The following ASIC2 variants were observed in gnomAD, a reference collection of about 807,000 sequenced individuals.
The protein encoded by ASIC2 is acid-sensing ion channel 2.
In ASIC2, 25 loss-of-function variants were observed where a neutral mutation model predicts 57.3. The observed-to-expected ratio is 0.44, with a 90% CI of 0.32 to 0.61. The LOEUF (loss-of-function observed/expected upper bound fraction) is 0.61, where lower values mean the gene tolerates loss of function less well. Among genes scored for constraint, ASIC2 ranks in the 20% least tolerant of loss-of-function variants. The pLI, the probability that ASIC2 is intolerant of heterozygous loss-of-function variation, is 0.06. For missense variants in ASIC2, 641 were observed against 738.1 expected (o/e 0.87, Z 1.52); for synonymous variants, 319 against 307.5 (o/e 1.04, Z -0.39).
chr17:33,791,020 C>T (rs1232818590), intron 1 of ASIC2, among the ~76,000 whole-genome samples: 1 of 152,180 alleles, frequency 6.6e-6, no homozygotes, highest in African/African-American at 2.4e-5. Flanking sequence ...CCCATGTCTC[C>T]CTGGCCTGTG....
intron 1 of ASIC2, among the ~76,000 whole-genome samples, chr17:33,668,194 G>C (rs1907538147): frequency 6.7e-6 from 1 of 150,140 alleles, no homozygotes; most frequent in African/African-American, 2.4e-5. Context: ...TGGAGAGAAG[G>C]CATCTTTAGA....
chr17:33,510,118 A>G lies in ASIC2; in HGVS notation c.556-398051T>C, dbSNP rs373738202. ...GACTTTGCCTGTAACTCACTGTGTG[A>G]CCTGGAGTTTTCCAGCCCTGTCTCA... On this transcript the variant is annotated intron_variant, in intron 1 of 9. Transcript: ENST00000359872. Among the ~76,000 whole-genome samples, 9 of 152,270 alleles carry G rather than the reference A, an allele frequency of 5.9e-5. No homozygotes were observed. In the South Asian group the frequency reaches 1.9e-3, roughly 32 times the overall value.
At chr17:34,044,182 C>G (rs1908249138) in intron 1 of ASIC2, among the ~76,000 whole-genome samples, 1 of 151,840 alleles carries the variant, frequency 6.6e-6, no homozygotes, top group Admixed American at 6.6e-5. Context: ...AGCAGCCAAT[C>G]CCTTTGGAAG....
intron 1 of ASIC2, among the ~76,000 whole-genome samples, chr17:33,531,021 A>C (rs1026421672): frequency 1.3e-5 from 2 of 152,006 alleles, no homozygotes; most frequent in Non-Finnish European, 2.9e-5. Flanking sequence ...ATTTAACTTA[A>C]AAATTTTTAT....
At chr17:33,910,734 A>C (rs1915445062) in intron 1 of ASIC2, among the ~76,000 whole-genome samples, 1 of 152,200 alleles carries the variant, frequency 6.6e-6, no homozygotes, top group Admixed American at 6.5e-5. Flanking sequence ...CCTATCATGG[A>C]CTGCCTCTCT....
intron 3 of ASIC2, among the ~76,000 whole-genome samples, chr17:33,038,731 C>T (rs1471122442): frequency 6.6e-6 from 1 of 152,358 alleles, no homozygotes; most frequent in Admixed American, 6.5e-5. Flanking sequence ...TCTCAACAGT[C>T]GCCTTCATTT....
At chr17:33,436,554 C>G (rs370920974) in intron 1 of ASIC2, among the ~76,000 whole-genome samples, 1 of 152,130 alleles carries the variant, frequency 6.6e-6, no homozygotes, top group Non-Finnish European at 1.5e-5. Context: ...GTTTTCCACA[C>G]CCCAATGATT....
chr17:33,742,715 C>A (rs997558650), intron 1 of ASIC2, among the ~76,000 whole-genome samples: 5 of 152,174 alleles, frequency 3.3e-5, no homozygotes, highest in Admixed American at 6.5e-5. Flanking sequence ...TCTCCCCAGG[C>A]ATAATGGGTT....
At chr17:33,601,514 G>A (rs1905114431) in intron 1 of ASIC2, among the ~76,000 whole-genome samples, 3 of 152,208 alleles carry the variant, frequency 2.0e-5, no homozygotes, top group Admixed American at 6.5e-5. Flanking sequence ...TTTACAGGGT[G>A]CTATTTCTGC....
chr17:33,877,974 C>T lies in ASIC2; in HGVS notation c.555+278004G>A, dbSNP rs150530490. ...ACAATATCCGCTGTTCTGCAGCCTCCGCTGCTGATACCCAGGCAAACAGGG... is the reference window on the plus strand; with the variant it reads ...ACAATATCCGCTGTTCTGCAGCCTCTGCTGCTGATACCCAGGCAAACAGGG... On this transcript the variant is annotated intron_variant, in intron 1 of 9. Coordinates refer to the ASIC2 transcript ENST00000359872. Among the ~76,000 whole-genome samples, 429 of 152,306 alleles carry T rather than the reference C, an allele frequency of 2.8e-3. 2 individuals are homozygous for T. The highest frequency in any genetic ancestry group is 8.0e-3 in the African/African-American group (332 of 41,564).
intron 1 of ASIC2, among the ~76,000 whole-genome samples, chr17:33,497,570 A>C (rs1414427918): frequency 6.6e-6 from 1 of 152,206 alleles, no homozygotes; most frequent in Non-Finnish European, 1.5e-5. Context: ...AATGCAGAGA[A>C]GTCTAGTTCT....
At chr17:34,042,932 T>A (rs145049007) in intron 1 of ASIC2, among the ~76,000 whole-genome samples, 164 of 152,350 alleles carry the variant, frequency 1.1e-3, no homozygotes, top group African/African-American at 3.5e-3. Flanking sequence ...ATTTATATAT[T>A]TGCAGAATAC....
At chr17:33,722,325 A>G (rs1909412704) in intron 1 of ASIC2, among the ~76,000 whole-genome samples, 1 of 152,208 alleles carries the variant, frequency 6.6e-6, no homozygotes, top group Admixed American at 6.5e-5. Context: ...TGGAACTGTG[A>G]GTCAATTAAA....
At chr17:33,520,173 A>G (rs1171106187) in intron 1 of ASIC2, among the ~76,000 whole-genome samples, 1 of 152,152 alleles carries the variant, frequency 6.6e-6, no homozygotes, top group East Asian at 1.9e-4. Flanking sequence ...AGGGTCATTA[A>G]TAAATGCATT....
At chr17:34,146,564 C>T (rs1329265094) in intron 1 of ASIC2, among the ~76,000 whole-genome samples, 5 of 152,156 alleles carry the variant, frequency 3.3e-5, no homozygotes, top group African/African-American at 1.2e-4. Context: ...TAAACTGCAC[C>T]ACAATGTATT....
At chr17:33,744,850 G>A (rs978754596) in intron 1 of ASIC2, among the ~76,000 whole-genome samples, 7 of 152,094 alleles carry the variant, frequency 4.6e-5, no homozygotes, top group African/African-American at 1.4e-4. Flanking sequence ...AAAACTGGCA[G>A]AAATTATAAA....
chr17:33,340,282 G>A (rs756915394), intron 1 of ASIC2, among the ~76,000 whole-genome samples: 3 of 152,156 alleles, frequency 2.0e-5, no homozygotes, highest in Non-Finnish European at 4.4e-5. Flanking sequence ...AGACCTCTGA[G>A]GGTGATGGGG....
intron 1 of ASIC2, among the ~76,000 whole-genome samples, chr17:33,790,746 G>T (rs985439920): frequency 1.6e-4 from 24 of 151,996 alleles, no homozygotes; most frequent in Admixed American, 6.6e-4. Context: ...CTCTTATTGG[G>T]TTCTGCTTCT....
At chr17:33,561,905 A>C (rs1916084746) in intron 1 of ASIC2, among the ~76,000 whole-genome samples, 1 of 152,266 alleles carries the variant, frequency 6.6e-6, no homozygotes, top group Non-Finnish European at 1.5e-5. Flanking sequence ...GACTGTGTGC[A>C]CAAGCATCCC....
Sources: gnomAD v4.1 joint callset for allele counts (sites outside exome capture counted in the v4.1 genomes callset) on GRCh38, gnomAD v4.1.1 for gene constraint, MANE v1.5 for transcripts, NCBI Gene and HGNC (gene_info 2026-07-23, HGNC 2026-07-21) for gene names.